Variants in PPP2R2C observed in about 807,000 individuals in gnomAD.
The protein encoded by PPP2R2C is protein phosphatase 2, regulatory subunit B, gamma.
Under a neutral mutation model 45.3 loss-of-function variants are expected in PPP2R2C, and 10 were observed. The ratio of observed to expected loss-of-function variants is 0.22; its 90% CI spans 0.14 to 0.37. The LOEUF is 0.37. PPP2R2C is among the 10% of genes least tolerant of loss of function. The probability of loss-of-function intolerance (pLI) is 1.00; values close to 1 mark genes in which losing one functional copy is unlikely to be tolerated. For missense variants in PPP2R2C, 308 were observed against 619.7 expected, an observed-to-expected ratio of 0.50 and a Z score of 5.34; for synonymous variants, 257 against 245.4, an observed-to-expected ratio of 1.05 and a Z score of -0.44.
intron 2 of PPP2R2C, among the ~76,000 whole-genome samples, chr4:6,489,276 T>C (rs1722621928): frequency 6.6e-6 from 1 of 152,222 alleles, no homozygotes; most frequent in South Asian, 2.1e-4. Context: ...TTCATTTGTT[T>C]CATGCCATTT....
In PPP2R2C at chr4:6,381,691, G is replaced by T; in HGVS notation, c.71-597C>A. On this transcript the variant is annotated intron_variant, in intron 1 of 8. Coordinates refer to ENST00000382599, the MANE Select transcript of PPP2R2C (RefSeq NM_020416.4). ...GCTCGCAGAAGCGAAGCTCAGCCCT[G>T]CCTGCCCTGACCCTCCCTGCACTTC... is the stretch of plus-strand genomic sequence containing the variant. 10 of 1,536,706 alleles carry T rather than the reference G, an allele frequency of 6.5e-6. No homozygotes were observed. The South Asian group carries it at 1.0e-4, about 16-fold the overall frequency.
chr4:6,382,503 A>C (rs749647302), intron 1 of PPP2R2C: 1 of 1,351,812 alleles, frequency 7.4e-7, no homozygotes, highest in Non-Finnish European at 9.8e-7. Flanking sequence ...AAAACCCTTC[A>C]TTGGTCACCA....
At chr4:6,393,790 G>A (rs773491961) in intron 1 of PPP2R2C, among the ~76,000 whole-genome samples, 4 of 152,218 alleles carry the variant, frequency 2.6e-5, no homozygotes, top group African/African-American at 7.2e-5. Context: ...GGAGGTGGAC[G>A]GGGTAGTTGT....
chr4:6,535,490 G>T (rs983670416), intron 1 of PPP2R2C: 2 of 691,076 alleles, frequency 2.9e-6, no homozygotes, highest in Non-Finnish European at 4.7e-6. Context: ...CCTGGCCGCC[G>T]CCCGGCACAG....
intron 8 of PPP2R2C, among the ~76,000 whole-genome samples, chr4:6,326,239 T>C (rs1048489242): frequency 2.0e-5 from 3 of 151,878 alleles, no homozygotes; most frequent in African/African-American, 7.3e-5. Context: ...AGGGAGAGGA[T>C]GAGGCCAGTG....
intron 1 of PPP2R2C, among the ~76,000 whole-genome samples, chr4:6,429,695 C>G (rs567288742): frequency 2.0e-5 from 3 of 152,296 alleles, no homozygotes; most frequent in South Asian, 4.1e-4. Flanking sequence ...TTATGACCGT[C>G]TCAGAGTGTT....
chr4:6,383,130 G>A, intron 1 of PPP2R2C: 3 of 1,143,874 alleles, frequency 2.6e-6, no homozygotes, highest in Non-Finnish European at 3.3e-6. Context: ...AAGGGGCTTA[G>A]GTACTGGGGG....
intron 2 of PPP2R2C, among the ~76,000 whole-genome samples, chr4:6,498,530 T>TA (rs1259668294): frequency 6.6e-6 from 1 of 152,166 alleles, no homozygotes; most frequent in Non-Finnish European, 1.5e-5. Flanking sequence ...TATCAAGGAT[T>TA]AAAAAAATAG....
chr4:6,526,138 T>C (rs1322417767), intron 2 of PPP2R2C, among the ~76,000 whole-genome samples: 1 of 152,244 alleles, frequency 6.6e-6, no homozygotes, highest in Middle Eastern at 3.2e-3. Flanking sequence ...ACATATTAAG[T>C]CTCTACCCCA....
intron 2 of PPP2R2C, among the ~76,000 whole-genome samples, chr4:6,520,005 T>C (rs911213671): frequency 6.6e-6 from 1 of 152,168 alleles, no homozygotes; most frequent in African/African-American, 2.4e-5. Flanking sequence ...GAGGGCATGA[T>C]ACCCTCAGAG....
intron 2 of PPP2R2C, among the ~76,000 whole-genome samples, chr4:6,487,279 C>A (rs73207875): frequency 0.27 from 40,472 of 151,246 alleles, 6,261 homozygotes; most frequent in Non-Finnish European, 0.33. Context: ...ATATCATATC[C>A]GACCTATGTA....
intron 5 of PPP2R2C, among the ~76,000 whole-genome samples, chr4:6,354,823 C>T (rs913500651): frequency 1.3e-5 from 2 of 152,052 alleles, no homozygotes; most frequent in African/African-American, 2.4e-5. Context: ...CCGCCCACAG[C>T]CCCCCACAGC....
chr4:6,398,129 A>G (rs1717170355), intron 1 of PPP2R2C, among the ~76,000 whole-genome samples: 1 of 152,224 alleles, frequency 6.6e-6, no homozygotes, highest in African/African-American at 2.4e-5. Context: ...ATTGAAATGC[A>G]TCATCTACCT....
At chr4:6,349,054 T>C (rs940831060) in intron 5 of PPP2R2C, 9 of 985,246 alleles carry the variant, frequency 9.1e-6, no homozygotes, top group African/African-American at 1.7e-5. Flanking sequence ...CCTTCCCTGC[T>C]GCCCAGCAGC....
upstream of PPP2R2C, among the ~76,000 whole-genome samples, chr4:6,477,396 C>G (rs1314529215): frequency 6.6e-6 from 1 of 152,134 alleles, no homozygotes; most frequent in Non-Finnish European, 1.5e-5. Flanking sequence ...TTGATTCTAG[C>G]CATTCATCAC....
intron 1 of PPP2R2C, among the ~76,000 whole-genome samples, chr4:6,559,898 C>T (rs576302408): frequency 6.6e-5 from 10 of 152,248 alleles, no homozygotes; most frequent in Admixed American, 4.6e-4. Context: ...GCAGCCCCAA[C>T]GGACTAAGAC....
intron 1 of PPP2R2C, 30 bp downstream of exon 1, chr4:6,472,130 C>T: frequency 6.2e-7 from 1 of 1,613,006 alleles, no homozygotes; most frequent in South Asian, 1.1e-5. Context: ...CGCGGCCGGC[C>T]GGAGGGGTCT....
rs765461296 is a variant in PPP2R2C, at chr4:6,510,996, AAC to A, written c.49+24273_49+24274del. On this transcript the variant is annotated intron_variant, in intron 2 of 9. Transcript: ENST00000506140. ...CGTCTCAAACAAAAAAAAACAAACAAACAAAAAAAAAAACAGAAAATGTTTGT... is the reference window on the plus strand; with the variant it reads ...CGTCTCAAACAAAAAAAAACAAACAAAAAAAAAAAAACAGAAAATGTTTGT... 1.3e-3 allele frequency among the ~76,000 whole-genome samples: 107 copies of A among 83,764 alleles called. 4 individuals are homozygous for A. The highest frequency in any genetic ancestry group is 3.5e-3 in the South Asian group (8 of 2,308). 55.0% of individuals were successfully genotyped at this position (83,764 alleles called of 152,430 possible). A position where few individuals can be genotyped will look rare whatever the true frequency, so the allele number is the denominator to read the frequency against.
intron 1 of PPP2R2C, chr4:6,382,438 C>A (rs780708220): frequency 4.4e-6 from 6 of 1,351,922 alleles, no homozygotes; most frequent in Non-Finnish European, 4.9e-6. Flanking sequence ...CTCCCTCTGG[C>A]GGCCAACGTG....
Sources: allele counts gnomAD v4.1 joint callset (sites outside exome capture counted in the v4.1 genomes callset), GRCh38; gene constraint gnomAD v4.1.1; transcripts MANE v1.5; gene names NCBI Gene and HGNC (gene_info 2026-07-23, HGNC 2026-07-21).